GNPTG: variants seen among roughly 807,000 people sequenced by gnomAD.
The protein encoded by GNPTG is N-acetylglucosamine-1-phosphate transferase subunit gamma, also known as N-acetylglucosamine-1-phosphotransferase subunit gamma.
Under a neutral mutation model 43.8 loss-of-function variants are expected in GNPTG, and 46 were observed. The ratio of observed to expected loss-of-function variants is 1.05; its 90% CI spans 0.83 to 1.34. GNPTG has a LOEUF of 1.34. GNPTG is among the 40% of genes most tolerant of loss of function. GNPTG has a pLI of 0.00. For missense variants in GNPTG, 549 were observed against 411.3 expected, an observed-to-expected ratio of 1.33 and a Z score of -2.90; for synonymous variants, 250 against 172.8, an observed-to-expected ratio of 1.45 and a Z score of -3.50.
Position 1,361,955 on chromosome 16 carries a change from G to T in GNPTG, c.317G>T (p.Gly106Val). The stretch of plus-strand genomic sequence containing the variant: ...TGGAACGCCTACAGTGGGATCCTCG[G>T]GTGAGTGGGGCCGGGGCAGGGATCC... ...FRWNAYSGIL[G>V]IWHEWEIANN... Residue 106 changes from glycine to valine, a missense_variant and splice_region_variant, in exon 5 of 11, where the codon GGC becomes GTC. Physicochemically the swap from Gly to Val is moderately radical, Grantham distance 109. Transcript: ENST00000204679. The T allele has an allele frequency of 6.2e-7, 1 of 1,613,512 alleles. No individual in the cohort carries two copies. Among genetic ancestry groups the T allele is most frequent in the Non-Finnish European group, 8.5e-7 (1 of 1,180,046 alleles).
At position 1,363,015 on chromosome 16, in the gene GNPTG, ACTTGGGCCAC is replaced by A. The variant is rs746049237; in HGVS notation, c.843_852del (p.His281GlnfsTer50). ...TTGGCAGAAACTTCCAACTTGGAGC[ACTTGGGCCAC>A]GAGACGCCCAGAGCCAAGTCTCCAG... On this transcript the variant is annotated frameshift_variant, in exon 11 of 11. Coordinates refer to ENST00000204679, the MANE Select transcript of GNPTG (RefSeq NM_032520.5). LOFTEE classifies it low-confidence loss of function (END_TRUNC). The A allele has an allele frequency of 1.2e-6, 2 of 1,614,134 alleles. No individual in the cohort carries two copies. Among genetic ancestry groups the A allele is most frequent in the African/African-American group, 2.7e-5 (2 of 75,054 alleles).
At chr16:1,358,660 C>T (rs2034820094) in intron 3 of GNPTG, among the ~76,000 whole-genome samples, 1 of 152,112 alleles carries the variant, frequency 6.6e-6, no homozygotes, top group Non-Finnish European at 1.5e-5. Context: ...TTTTGAGGAA[C>T]CACCAAACTG....
At position 1,362,756 on chromosome 16, in the gene GNPTG, G is replaced by A. The variant is rs766147394; in HGVS notation, c.741+14G>A. ...AACTGCAGGAAGGTACCGTATTGGG[G>A]GGAGGTGGTGGCACGCAGTAGCCCT... On this transcript the variant is annotated intron_variant, in intron 9 of 10. Coordinates refer to ENST00000204679, the MANE Select transcript of GNPTG (RefSeq NM_032520.5). The A allele has an allele frequency of 1.2e-6, 2 of 1,614,108 alleles. No individual in the cohort carries two copies. The highest frequency in any genetic ancestry group is 1.7e-6 in the Non-Finnish European group (2 of 1,180,024).
At chr16:1,358,519 T>TG (rs2034818221) in intron 3 of GNPTG, 1 of 152,180 alleles carries the variant, frequency 6.6e-6, no homozygotes, top group South Asian at 2.1e-4. Flanking sequence ...CATCTGTCCA[T>TG]GGACACTGGA....
At chr16:1,352,931 G>C (rs964801419) in intron 3 of GNPTG, among the ~76,000 whole-genome samples, 4 of 150,778 alleles carry the variant, frequency 2.7e-5, no homozygotes, top group Non-Finnish European at 5.9e-5. Context: ...TTTAAACGCT[G>C]AATGAGTATT....
rs1452979522 is a variant in GNPTG, at chr16:1,354,212, C to T, written c.178+1906C>T. Reference sequence around the variant, plus strand: ...GGCCACTGTGTAACAGCGCAGTTCCCGACCGAACCCCTTCCAGTAGGAGAG... The same window carrying T: ...GGCCACTGTGTAACAGCGCAGTTCCTGACCGAACCCCTTCCAGTAGGAGAG... On this transcript the variant is annotated intron_variant, in intron 3 of 10. Coordinates refer to ENST00000204679, the MANE Select transcript of GNPTG (RefSeq NM_032520.5). Among the ~76,000 whole-genome samples the T allele has an allele frequency of 3.9e-5, 6 of 152,004 alleles. No homozygotes were observed. In the East Asian group the frequency reaches 5.8e-4, roughly 15 times the overall value.
intron 3 of GNPTG, among the ~76,000 whole-genome samples, chr16:1,360,260 C>G (rs1477281474): frequency 6.6e-6 from 1 of 152,214 alleles, no homozygotes; most frequent in African/African-American, 2.4e-5. Context: ...CACTTCAGCT[C>G]TCTTTTGCCT....
Position 1,362,098 on chromosome 16 carries a change from T to C in GNPTG, c.378T>C (p.Gly126=). ...TCACGGGCATGTGGATGAGGGACGG[T>C]GACGCCTGCCGTTCCCGGAGCCGGC... The part of the protein sequence containing the change: ...NTFTGMWMRD[G]DACRSRSRQS... The change falls in exon 6 of 11, where the codon GGT becomes GGC. Residue 126 remains glycine (G), a synonymous_variant. Coordinates refer to ENST00000204679, the MANE Select transcript of GNPTG (RefSeq NM_032520.5). The C allele has an allele frequency of 6.2e-7, 1 of 1,611,390 alleles. No individual in the cohort carries two copies. The highest frequency in any genetic ancestry group is 8.5e-7 in the Non-Finnish European group (1 of 1,179,260).
At chr16:1,354,362 G>A (rs2034735043) in intron 3 of GNPTG, among the ~76,000 whole-genome samples, 1 of 151,964 alleles carries the variant, frequency 6.6e-6, no homozygotes, top group Non-Finnish European at 1.5e-5. Flanking sequence ...GATCGCTTGA[G>A]GTCAGGAGTT....
rs779231051 is a variant in GNPTG at position 1,362,987 on chromosome 16, GT to G, written c.824-6del. ...TCCAGGTGAGGACTGGCCACCTGGT[GT>G]TTTGGCAGAAACTTCCAACTTGGAG... On this transcript the variant is annotated splice_polypyrimidine_tract_variant and intron_variant, in intron 10 of 10. Coordinates refer to ENST00000204679, the MANE Select transcript of GNPTG (RefSeq NM_032520.5). The G allele has an allele frequency of 2.4e-5, 38 of 1,614,008 alleles. No homozygotes were observed. The highest frequency in any genetic ancestry group is 3.2e-5 in the Non-Finnish European group (38 of 1,180,014).
chr16:1,353,562 C>T (rs1374409239), intron 3 of GNPTG, among the ~76,000 whole-genome samples: 4 of 152,156 alleles, frequency 2.6e-5, no homozygotes, highest in Non-Finnish European at 4.4e-5. Flanking sequence ...CTTGCTCTCT[C>T]ACTCGGGCTG....
At position 1,361,918 on chromosome 16, in the gene GNPTG, C is replaced by G; in HGVS notation, c.280C>G (p.Gln94Glu). ...GTTCCACAACGTGACCCAGCACGAG[C>G]AGACCTTCCGCTGGAACGCCTACAG... is the stretch of plus-strand genomic sequence containing the variant. ...CPFHNVTQHEQTFRWNAYSGI... is the reference protein window; with the variant it reads ...CPFHNVTQHEETFRWNAYSGI... The change falls in exon 5 of 11, where the codon CAG becomes GAG. Residue 94 changes from glutamine to glutamate, a missense_variant. Coordinates refer to ENST00000204679, the MANE Select transcript of GNPTG (RefSeq NM_032520.5). The G allele has an allele frequency of 6.2e-7, 1 of 1,613,722 alleles. No individual in the cohort carries two copies. Among genetic ancestry groups the G allele is most frequent in the East Asian group, 2.2e-5 (1 of 44,888 alleles).
intron 3 of GNPTG, among the ~76,000 whole-genome samples, chr16:1,359,497 T>C (rs1483248778): frequency 3.3e-5 from 5 of 152,184 alleles, no homozygotes; most frequent in Non-Finnish European, 5.9e-5. Context: ...CTCGATCTCC[T>C]GACTTCGTGA....
At chr16:1,354,857 G>C (rs547183065) in intron 3 of GNPTG, among the ~76,000 whole-genome samples, 9 of 151,938 alleles carry the variant, frequency 5.9e-5, no homozygotes, top group African/African-American at 1.9e-4. Context: ...GGCGTGGATA[G>C]TCCCCCGCGT....
chr16:1,362,636 T>C lies in GNPTG; in HGVS notation c.635T>C (p.Leu212Pro). 1 of 1,614,154 alleles carries C rather than the reference T, an allele frequency of 6.2e-7. No individual in the cohort carries two copies. The highest frequency in any genetic ancestry group is 1.1e-5 in the South Asian group (1 of 91,086). ...GGCCATGAGAAGTTGCTGAGGACAC[T>C]TTTTGAGGATGCTGGCTACTTAAAG... ...PQGHEKLLRT[L>P]FEDAGYLKTP... Residue 212 changes from leucine to proline, a missense_variant, in exon 9 of 11, where the codon CTT becomes CCT. Physicochemically the swap from Leu to Pro is moderately conservative, Grantham distance 98. Transcript: ENST00000204679.
At position 1,352,301 on chromosome 16, in the gene GNPTG, T is replaced by C. The variant is rs1189961291; in HGVS notation, c.173T>C (p.Val58Ala). Residue 58 changes from valine (V) to alanine (A), a missense_variant, in exon 3 of 11, where the codon GTG becomes GCG. By Grantham distance (64) the Val-to-Ala change is moderately conservative. Transcript: ENST00000204679. ...CAGGCCAAGAGGGATCCTTCACCCG[T>C]GTCTGGTGAGTGAGGAGCGCTGTTG... is the stretch of plus-strand genomic sequence containing the variant. The part of the protein sequence containing the change: ...RLQAKRDPSP[V>A]SGPVHLFRLS... The C allele has an allele frequency of 1.9e-6, 3 of 1,548,126 alleles. No homozygotes were observed. Among genetic ancestry groups the C allele is most frequent in the Admixed American group, 2.0e-5 (1 of 50,972 alleles).
chr16:1,362,405 G>T (rs766050367), intron 7 of GNPTG, 47 bp from the exon 8 acceptor site: 3 of 1,611,712 alleles, frequency 1.9e-6, no homozygotes, highest in South Asian at 2.2e-5. Context: ...GGGGGCCAGG[G>T]TTGGGACATG....
chr16:1,360,137 A>C (rs1423841310), intron 3 of GNPTG, among the ~76,000 whole-genome samples: 1 of 151,670 alleles, frequency 6.6e-6, no homozygotes, highest in African/African-American at 2.4e-5. Flanking sequence ...TGGATGTCTC[A>C]TGTCAGCTTT....
At chr16:1,352,436 AT>A in intron 3 of GNPTG, 130 bp downstream of exon 3, 1 of 906,438 alleles carries the variant, frequency 1.1e-6, no homozygotes, top group South Asian at 1.4e-5. Flanking sequence ...TCTAAAATTA[AT>A]GTGGAAGTAC....
Sources: gnomAD v4.1 joint callset for allele counts (sites outside exome capture counted in the v4.1 genomes callset) on GRCh38, gnomAD v4.1.1 for gene constraint, MANE v1.5 for transcripts, NCBI Gene and HGNC (gene_info 2026-07-23, HGNC 2026-07-21) for gene names.